Variants in CHD1L observed in about 807,000 individuals in gnomAD.
The protein encoded by CHD1L is chromodomain helicase DNA binding protein 1 like, also known as ATP-dependent chromatin remodeler CHD1L.
CHD1L carries 118 observed loss-of-function variants against 115.9 expected under a neutral mutation model. The ratio of observed to expected loss-of-function variants is 1.02; its 90% CI spans 0.88 to 1.19. The LOEUF is 1.19. CHD1L is among the 50% of genes most tolerant of loss of function. The probability of loss-of-function intolerance (pLI) is 0.00; values close to 1 mark genes in which losing one functional copy is unlikely to be tolerated. For missense variants in CHD1L, 1,179 were observed against 1,065.3 expected, an observed-to-expected ratio of 1.11 and a Z score of -1.49; for synonymous variants, 411 against 387.1, an observed-to-expected ratio of 1.06 and a Z score of -0.72.
chr1:147,276,376 TC>T (rs1678489323), intron 14 of CHD1L, 119 bp downstream of exon 14: 7 of 1,015,520 alleles, frequency 6.9e-6, no homozygotes, highest in Non-Finnish European at 1.0e-5. Context: ...TTCCTTGGCC[TC>T]CCTCACACCT....
At chr1:147,287,772 A>G in intron 19 of CHD1L, 39 bp downstream of exon 19, 2 of 1,540,970 alleles carry the variant, frequency 1.3e-6, no homozygotes, top group Non-Finnish European at 1.8e-6. Flanking sequence ...AGGGTGGAAT[A>G]AGAGAGAAGA....
At chr1:147,242,864 G>A in intron 1 of CHD1L, 34 bp downstream of exon 1, 2 of 1,262,908 alleles carry the variant, frequency 1.6e-6, no homozygotes, top group Non-Finnish European at 2.0e-6. Context: ...CGGCCAGGCG[G>A]GCCAACCTAT....
the CHD1L span, among the ~76,000 whole-genome samples, chr1:147,183,764 A>G: frequency 6.6e-6 from 1 of 152,230 alleles, no homozygotes; most frequent in Non-Finnish European, 1.5e-5. Flanking sequence ...AAAAGCATGG[A>G]AAAACTTGGC....
the CHD1L span, among the ~76,000 whole-genome samples, chr1:147,185,525 C>T: frequency 6.4e-4 from 97 of 152,186 alleles, 1 homozygote; most frequent in African/African-American, 2.2e-3. Context: ...AGGCATTCCA[C>T]AGGTAAATTC....
the CHD1L span, among the ~76,000 whole-genome samples, chr1:147,233,231 C>A: frequency 1.3e-5 from 2 of 151,628 alleles, no homozygotes; most frequent in African/African-American, 4.8e-5. Flanking sequence ...GGCAACTGCC[C>A]CATCTGAGAA....
chr1:147,205,782 C>T, the CHD1L span, among the ~76,000 whole-genome samples: 13 of 152,116 alleles, frequency 8.5e-5, no homozygotes, highest in Non-Finnish European at 1.6e-4. Context: ...GGATTAAAGA[C>T]TTAAATGTTA....
intron 15 of CHD1L, among the ~76,000 whole-genome samples, chr1:147,283,857 T>C (rs1359854114): frequency 1.3e-5 from 2 of 152,150 alleles, no homozygotes; most frequent in Non-Finnish European, 2.9e-5. Context: ...TATACCAGGA[T>C]TGTGGTGAGG....
chr1:147,243,004 C>G, intron 1 of CHD1L, 174 bp downstream of exon 1: 2 of 759,930 alleles, frequency 2.6e-6, no homozygotes, highest in Non-Finnish European at 3.6e-6. Flanking sequence ...TTGGTGGCCA[C>G]GGCCCCCGCC....
chr1:147,272,304 G>C, intron 12 of CHD1L, 23 bp downstream of exon 12: 1 of 1,497,140 alleles, frequency 6.7e-7, no homozygotes, highest in Middle Eastern at 1.7e-4. Flanking sequence ...GGCATTGATG[G>C]AAACAGACAA....
the CHD1L span, chr1:147,208,803 A>G: frequency 4.7e-4 from 699 of 1,496,818 alleles, 9 homozygotes; most frequent in Middle Eastern, 6.5e-3. Context: ...AAGAGTCCTT[A>G]TTCTTGTGCT....
chr1:147,201,147 C>G, the CHD1L span: 2 of 1,600,404 alleles, frequency 1.2e-6, no homozygotes, highest in Non-Finnish European at 1.7e-6. Flanking sequence ...TGCATGGTCA[C>G]TTACCTTTAA....
At chr1:147,273,566 A>G (rs1677103708) in intron 12 of CHD1L, among the ~76,000 whole-genome samples, 1 of 152,194 alleles carries the variant, frequency 6.6e-6, no homozygotes, top group African/African-American at 2.4e-5. Flanking sequence ...CAGTTGCCTC[A>G]GGGTTAGTCT....
At chr1:147,285,229 T>G (rs1682588067) in intron 16 of CHD1L, 95 bp from the exon 17 acceptor site, 8 of 1,364,094 alleles carry the variant, frequency 5.9e-6, no homozygotes, top group Non-Finnish European at 8.1e-6. Context: ...CTGTGGAATA[T>G]TAAGCATGTT....
chr1:147,238,672 T>C (rs1209804745), upstream of CHD1L, among the ~76,000 whole-genome samples: 2 of 152,220 alleles, frequency 1.3e-5, no homozygotes, highest in Non-Finnish European at 2.9e-5. Flanking sequence ...GTGCCTTGGT[T>C]TGCCCATCTG....
At chr1:147,270,808 G>C (rs1204275890) in intron 10 of CHD1L, 124 bp from the exon 11 acceptor site, 43 of 753,394 alleles carry the variant, frequency 5.7e-5, no homozygotes, top group Non-Finnish European at 8.2e-5. Context: ...TAAATCATAC[G>C]ACACTTATAT....
chr1:147,196,604 A>G, the CHD1L span, among the ~76,000 whole-genome samples: 1 of 152,094 alleles, frequency 6.6e-6, no homozygotes, highest in African/African-American at 2.4e-5. Context: ...AAAAAAATTA[A>G]AAAATTTTAA....
At chr1:147,261,074 C>T (rs1553943817) in intron 6 of CHD1L, 1 of 152,160 alleles carries the variant, frequency 6.6e-6, no homozygotes, top group Non-Finnish European at 1.5e-5. Context: ...TTTTTAGAGT[C>T]TTAATGTAGA....
the CHD1L span, among the ~76,000 whole-genome samples, chr1:147,179,999 A>G: frequency 6.6e-6 from 1 of 151,960 alleles, no homozygotes; most frequent in Non-Finnish European, 1.5e-5. Context: ...TTAATCGTAT[A>G]ATATCAGTGT....
chr1:147,291,665 C>A, intron 20 of CHD1L, 113 bp downstream of exon 20: 1 of 791,378 alleles, frequency 1.3e-6, no homozygotes, highest in Non-Finnish European at 2.2e-6. Context: ...GTTAGGGCTG[C>A]CATAACAAAA....
Sources: gnomAD v4.1 joint callset for allele counts (sites outside exome capture counted in the v4.1 genomes callset) on GRCh38, gnomAD v4.1.1 for gene constraint, MANE v1.5 for transcripts, NCBI Gene and HGNC (gene_info 2026-07-23, HGNC 2026-07-21) for gene names.